The following GALNT9 variants were observed in gnomAD, a reference collection of about 807,000 sequenced individuals.
The protein encoded by GALNT9 is polypeptide N-acetylgalactosaminyltransferase 9, also known as GalNAc transferase 9.
A neutral mutation model predicts 63.1 loss-of-function variants in GALNT9; 47 were observed. The ratio of observed to expected loss-of-function variants is 0.75; its 90% CI spans 0.59 to 0.95. The LOEUF is 0.95. Among genes scored for constraint, GALNT9 ranks in the 40% least tolerant of loss-of-function variants. The pLI, the probability that GALNT9 is intolerant of heterozygous loss-of-function variation, is 0.00. For missense variants in GALNT9, 829 were observed against 874.8 expected (o/e 0.95, Z 0.66); for synonymous variants, 396 against 365.7 (o/e 1.08, Z -0.94).
At chr12:132,322,204 G>A (rs1246080990) in intron 1 of GALNT9, among the ~76,000 whole-genome samples, 1 of 152,232 alleles carries the variant, frequency 6.6e-6, no homozygotes. Context: ...CCGCCACCCA[G>A]ATACCCATTC....
intron 6 of GALNT9, among the ~76,000 whole-genome samples, chr12:132,218,469 A>G (rs953134198): frequency 1.3e-5 from 2 of 152,244 alleles, no homozygotes. Context: ...AATTGTGTGC[A>G]TACCTTTGAG....
chr12:132,240,738 T>A (rs1262903487), intron 6 of GALNT9: 1 of 455,694 alleles, frequency 2.2e-6, no homozygotes, highest in Non-Finnish European at 4.4e-6. Flanking sequence ...CCTGGGAAGT[T>A]ACCAGAACCT....
chr12:132,291,978 C>A (rs1880877870), intron 1 of GALNT9, among the ~76,000 whole-genome samples: 2 of 152,220 alleles, frequency 1.3e-5, no homozygotes, highest in South Asian at 4.1e-4. Context: ...CGCATCCTCA[C>A]TCACAGTATG....
chr12:132,291,663 G>A (rs139936650), intron 1 of GALNT9, among the ~76,000 whole-genome samples: 9 of 93,402 alleles, frequency 9.6e-5, no homozygotes, highest in Admixed American at 2.9e-4. Flanking sequence ...GGTCCACACC[G>A]CCCACATCCA....
intron 6 of GALNT9, among the ~76,000 whole-genome samples, chr12:132,239,677 C>A (rs1878168274): frequency 6.6e-6 from 1 of 150,452 alleles, no homozygotes; most frequent in Non-Finnish European, 1.5e-5. Context: ...GACAGAGAGA[C>A]AAAGAGACAG....
chr12:132,258,847 G>A (rs776920191), intron 4 of GALNT9, among the ~76,000 whole-genome samples: 7 of 152,216 alleles, frequency 4.6e-5, no homozygotes, highest in East Asian at 1.9e-4. Context: ...GAGGCCCGCC[G>A]TCCACGCTGG....
chr12:132,226,822 A>T (rs1396417936), intron 6 of GALNT9, among the ~76,000 whole-genome samples: 9 of 124,584 alleles, frequency 7.2e-5, no homozygotes, highest in African/African-American at 2.2e-4. Flanking sequence ...ACATCCCATA[A>T]ACACACCCCA....
intron 4 of GALNT9, among the ~76,000 whole-genome samples, chr12:132,258,666 G>A (rs1409201546): frequency 1.3e-5 from 2 of 152,254 alleles, no homozygotes; most frequent in East Asian, 3.8e-4. Context: ...AGGCCGGACA[G>A]AGCGATGGGG....
intron 2 of GALNT9, chr12:132,283,586 G>A (rs1880451238): frequency 6.6e-6 from 1 of 152,352 alleles, no homozygotes; most frequent in African/African-American, 2.4e-5. Context: ...TGGGCACTTG[G>A]CCTCACGGCA....
chr12:132,263,995 G>A (rs782789762), intron 2 of GALNT9, among the ~76,000 whole-genome samples: 25 of 152,194 alleles, frequency 1.6e-4, no homozygotes, highest in East Asian at 5.8e-4. Context: ...TGGCGTGACC[G>A]TTCCCGGGGG....
At position 132,203,582 on chromosome 12, in the gene GALNT9, T is replaced by C; in HGVS notation, c.1186A>G (p.Asn396Asp). The stretch of plus-strand genomic sequence containing the variant: ...CACACCTCGGCGGCGCGCAGGGCGT[T>C]GCGCTTGGCATAGTAGTCAATGTCG... ...NNDIDYYAKR[N>D]ALRAAEVWMD... Residue 396 changes from asparagine to aspartate, a missense_variant, in exon 7 of 11, where the codon AAC becomes GAC. Coordinates refer to ENST00000328957, the MANE Select transcript of GALNT9 (RefSeq NM_001122636.2). 1 of 1,613,918 alleles carries C rather than the reference T, an allele frequency of 6.2e-7. No homozygotes were observed. Among genetic ancestry groups the C allele is most frequent in the Non-Finnish European group, 8.5e-7 (1 of 1,179,818 alleles).
intron 8 of GALNT9, among the ~76,000 whole-genome samples, chr12:132,199,475 A>C (rs1022524322): frequency 3.9e-5 from 6 of 152,078 alleles, no homozygotes; most frequent in African/African-American, 1.4e-4. Context: ...AGTGTCCGCC[A>C]TGCACAGATG....
intron 2 of GALNT9, among the ~76,000 whole-genome samples, chr12:132,270,003 G>T (rs1020976659): frequency 6.6e-6 from 1 of 152,208 alleles, no homozygotes; most frequent in African/African-American, 2.4e-5. Flanking sequence ...TCTGTCTCAG[G>T]AGCCACGCTC....
intron 6 of GALNT9, among the ~76,000 whole-genome samples, chr12:132,209,262 C>G (rs1157626198): frequency 2.0e-5 from 3 of 152,086 alleles, no homozygotes; most frequent in African/African-American, 7.2e-5. Flanking sequence ...TGCGGTGGCT[C>G]ACGCCTGTAA....
chr12:132,227,156 T>G (rs1877724801), intron 6 of GALNT9, among the ~76,000 whole-genome samples: 1 of 152,138 alleles, frequency 6.6e-6, no homozygotes, highest in African/African-American at 2.4e-5. Flanking sequence ...TTCTAGAAAT[T>G]CAGCCTGAGG....
At position 132,328,947 on chromosome 12, in the gene GALNT9, C is replaced by T; in HGVS notation, c.238+19G>A. 2 of 1,503,624 alleles carry T rather than the reference C, an allele frequency of 1.3e-6. No individual in the cohort carries two copies. The highest frequency in any genetic ancestry group is 1.8e-6 in the Non-Finnish European group (2 of 1,125,450). The allele number at this position is 1,503,624 out of a possible 1,614,324, so 93.1% of individuals were successfully genotyped here. On this transcript the variant is annotated intron_variant, in intron 1 of 10. Transcript: ENST00000328957. ...CCCGGGCAGGGCTGCCCCCACTCCGCCCCGGCGCCCCCGCTCACCGTTGAG... is the reference window on the plus strand; with the variant it reads ...CCCGGGCAGGGCTGCCCCCACTCCGTCCCGGCGCCCCCGCTCACCGTTGAG...
rs1555239868 is a variant in GALNT9, at chr12:132,262,503, T to C, written c.542A>G (p.Gln181Arg). ...CACCAGGATGACCTCCTTGAGGAGC[T>C]GGGAGGGCGTGTGGTTGACCACGCT... ...VHSVVNHTPS[Q>R]LLKEVILVDD... The change falls in exon 3 of 11, where the codon CAG becomes CGG. Residue 181 changes from glutamine (Q) to arginine (R), a missense_variant. Gln to Arg is a conservative substitution (Grantham distance 43). Coordinates refer to ENST00000328957, the MANE Select transcript of GALNT9 (RefSeq NM_001122636.2). The C allele has an allele frequency of 1.3e-6, 2 of 1,551,318 alleles. No homozygotes were observed. Among genetic ancestry groups the C allele is most frequent in the Non-Finnish European group, 1.7e-6 (2 of 1,146,864 alleles).
intron 1 of GALNT9, among the ~76,000 whole-genome samples, chr12:132,305,342 C>G (rs1353670841): frequency 7.1e-4 from 23 of 32,232 alleles, no homozygotes; most frequent in Admixed American, 1.4e-3. Context: ...CCCAGACACG[C>G]CCTCACCCGG....
rs191065382 is a variant in GALNT9, at chr12:132,276,266, T to C, written c.419+9984A>G. On this transcript the variant is annotated intron_variant, in intron 2 of 10. Coordinates refer to ENST00000328957, the MANE Select transcript of GALNT9 (RefSeq NM_001122636.2). ...CCAGGCCTGGACAGAGCCGGGCACG[T>C]GTGAAACGGGAAGATGTCAGCTGGG... 2.0e-3 allele frequency: 317 copies of C among 154,910 alleles called. 1 individual carries two copies. The highest frequency in any genetic ancestry group is 7.8e-3 in the Middle Eastern group (15 of 1,926). The allele number at this position is 154,910 out of a possible 1,614,324, so 9.6% of individuals were successfully genotyped here.
Sources: gnomAD v4.1 joint callset for allele counts (sites outside exome capture counted in the v4.1 genomes callset) on GRCh38, gnomAD v4.1.1 for gene constraint, MANE v1.5 for transcripts, NCBI Gene and HGNC (gene_info 2026-07-23, HGNC 2026-07-21) for gene names.